KCNG3: variants seen among roughly 807,000 people sequenced by gnomAD.
The protein encoded by KCNG3 is voltage-gated potassium channel regulatory subunit KCNG3.
In KCNG3, 15 loss-of-function variants were observed where a neutral mutation model predicts 29.0. The observed-to-expected ratio is 0.52, with a 90% CI of 0.35 to 0.80. KCNG3 has a LOEUF of 0.80. Among genes scored for constraint, KCNG3 ranks in the 30% least tolerant of loss-of-function variants. The pLI is 0.01. For synonymous variants in KCNG3, 322 were observed against 248.9 expected, an observed-to-expected ratio of 1.29 and a Z score of -2.76; for missense variants, 512 against 605.7, an observed-to-expected ratio of 0.85 and a Z score of 1.62.
At chr2:42,436,251 G>A in the KCNG3 span, among the ~76,000 whole-genome samples, 11 of 152,144 alleles carry the variant, frequency 7.2e-5, no homozygotes, top group African/African-American at 2.7e-4. Context: ...GAAATGGGTA[G>A]TGACTGCTAA....
At chr2:42,447,973 T>C (rs1370555747) in intron 1 of KCNG3, among the ~76,000 whole-genome samples, 3 of 152,120 alleles carry the variant, frequency 2.0e-5, no homozygotes, top group Admixed American at 6.6e-5. Context: ...CCTACAGAGG[T>C]TGTACCAAAT....
chr2:42,477,422 CAT>C (rs1673464305), intron 1 of KCNG3, among the ~76,000 whole-genome samples: 8 of 40,792 alleles, frequency 2.0e-4, no homozygotes, highest in Non-Finnish European at 2.9e-4. Flanking sequence ...CACACACACA[CAT>C]ATATTTTTTT....
intron 1 of KCNG3, among the ~76,000 whole-genome samples, chr2:42,452,432 C>A (rs979635023): frequency 1.3e-5 from 2 of 151,468 alleles, no homozygotes; most frequent in Non-Finnish European, 2.9e-5. Flanking sequence ...ACTATAGTCA[C>A]CCTGTTGTGC....
intron 1 of KCNG3, among the ~76,000 whole-genome samples, chr2:42,490,270 G>A (rs1391474578): frequency 6.6e-6 from 1 of 152,020 alleles, no homozygotes; most frequent in Non-Finnish European, 1.5e-5. Flanking sequence ...GCATTAACTA[G>A]AATTTATATA....
At chr2:42,410,292 T>C in the KCNG3 span, among the ~76,000 whole-genome samples, 2 of 152,178 alleles carry the variant, frequency 1.3e-5, no homozygotes, top group Admixed American at 6.5e-5. Context: ...AGTTCATACA[T>C]GTGTGGGTAT....
chr2:42,391,937 A>C, the KCNG3 span, among the ~76,000 whole-genome samples: 1 of 152,134 alleles, frequency 6.6e-6, no homozygotes, highest in Non-Finnish European at 1.5e-5. Context: ...GATGAATTCC[A>C]TCAATAAAGA....
chr2:42,471,134 A>T (rs958450956), intron 1 of KCNG3, among the ~76,000 whole-genome samples: 12 of 150,674 alleles, frequency 8.0e-5, no homozygotes, highest in Non-Finnish European at 3.0e-5. Context: ...CCTGGGCAAC[A>T]GAGTGAGACT....
chr2:42,476,527 C>T (rs1673430636), intron 1 of KCNG3, among the ~76,000 whole-genome samples: 1 of 152,026 alleles, frequency 6.6e-6, no homozygotes, highest in African/African-American at 2.4e-5. Flanking sequence ...TGCTCTGTCA[C>T]CCCAGCTGGA....
chr2:42,460,038 T>G (rs145113006), intron 1 of KCNG3, among the ~76,000 whole-genome samples: 87 of 151,840 alleles, frequency 5.7e-4, no homozygotes, highest in African/African-American at 2.0e-3. Context: ...AACAGAACTC[T>G]CTGTGCTGTT....
At chr2:42,412,094 G>A in the KCNG3 span, among the ~76,000 whole-genome samples, 1 of 152,204 alleles carries the variant, frequency 6.6e-6, no homozygotes, top group Non-Finnish European at 1.5e-5. Flanking sequence ...ATATTCCAGT[G>A]TCTAGTCACT....
the KCNG3 span, among the ~76,000 whole-genome samples, chr2:42,405,982 A>G: frequency 1.3e-5 from 2 of 151,946 alleles, no homozygotes; most frequent in African/African-American, 2.4e-5. Context: ...ACCTCAGGTG[A>G]TCCACCTGCC....
chr2:42,454,344 A>T (rs1672829753), intron 1 of KCNG3, among the ~76,000 whole-genome samples: 1 of 152,236 alleles, frequency 6.6e-6, no homozygotes, highest in Non-Finnish European at 1.5e-5. Context: ...AATAGTTAAG[A>T]TGTCGAAGCA....
chr2:42,411,065 G>A, the KCNG3 span, among the ~76,000 whole-genome samples: 4 of 152,036 alleles, frequency 2.6e-5, no homozygotes, highest in African/African-American at 7.2e-5. Context: ...TCACTGATTT[G>A]AGATAGTTCT....
chr2:42,434,826 C>T, the KCNG3 span, among the ~76,000 whole-genome samples: 1 of 152,058 alleles, frequency 6.6e-6, no homozygotes, highest in Non-Finnish European at 1.5e-5. Flanking sequence ...CATCTATGGT[C>T]AATTGATTTT....
intron 1 of KCNG3, among the ~76,000 whole-genome samples, chr2:42,490,909 C>A (rs755683463): frequency 1.3e-5 from 2 of 152,164 alleles, no homozygotes; most frequent in South Asian, 2.1e-4. Flanking sequence ...CAGAGGGGAG[C>A]TTCCTCTGTA....
At chr2:42,396,772 A>C in the KCNG3 span, among the ~76,000 whole-genome samples, 1 of 152,220 alleles carries the variant, frequency 6.6e-6, no homozygotes, top group Non-Finnish European at 1.5e-5. Context: ...GTTTCAGGAA[A>C]TTGCTTTGAA....
the KCNG3 span, among the ~76,000 whole-genome samples, chr2:42,435,269 C>T: frequency 6.6e-6 from 1 of 152,168 alleles, no homozygotes; most frequent in Non-Finnish European, 1.5e-5. Flanking sequence ...CCCCATTGCA[C>T]TTCACTCCAG....
Position 42,493,244 on chromosome 2 carries a change from C to G in KCNG3, c.258G>C (p.Ala86=). The G allele has an allele frequency of 6.2e-7, 1 of 1,611,962 alleles. No homozygotes were observed. Among genetic ancestry groups the G allele is most frequent in the Non-Finnish European group, 8.5e-7 (1 of 1,179,858 alleles). ...AGAAGGAGAGCTCGCACATCCGCGG[C>G]GCGAAGCGCAGCTTGCCGTGGCCGC... The part of the protein sequence containing the change: ...YVRGHGKLRF[A]PRMCELSFYN... Residue 86 remains alanine (A), a synonymous_variant, in exon 1 of 2, where the codon GCG becomes GCC. Transcript: ENST00000306078.
At chr2:42,447,601 A>C (rs6733914) in intron 1 of KCNG3, among the ~76,000 whole-genome samples, 1 of 151,928 alleles carries the variant, frequency 6.6e-6, no homozygotes, top group African/African-American at 2.4e-5. Flanking sequence ...CTGCAGCCTC[A>C]AATGCCCAGG....
Sources: gnomAD v4.1 joint callset for allele counts (sites outside exome capture counted in the v4.1 genomes callset) on GRCh38, gnomAD v4.1.1 for gene constraint, MANE v1.5 for transcripts, NCBI Gene and HGNC (gene_info 2026-07-23, HGNC 2026-07-21) for gene names.